Variants in SRPK3 observed in about 807,000 individuals in gnomAD.
SRPK3 encodes the protein SRSF protein kinase 3, also known as SFRS protein kinase 3.
In SRPK3, 26 loss-of-function variants were observed where a neutral mutation model predicts 45.3. The observed-to-expected ratio is 0.57, with a 90% CI of 0.42 to 0.80. SRPK3 has a LOEUF of 0.80. Among genes scored for constraint, SRPK3 ranks in the 30% least tolerant of loss-of-function variants. The pLI is 0.00. For missense variants in SRPK3, 536 were observed against 514.5 expected (o/e 1.04, Z -0.40); for synonymous variants, 254 against 226.6 (o/e 1.12, Z -1.09).
chrX:153,781,479 C>T, intron 2 of SRPK3, 26 bp from the exon 3 acceptor site: 8 of 1,199,632 alleles, frequency 6.7e-6, no homozygotes, highest in Non-Finnish European at 9.0e-6. Context: ...ACCCCCTCCA[C>T]CCCAATCTAC....
chrX:153,781,317 A>T lies in SRPK3; in HGVS notation c.161A>T (p.Glu54Val), dbSNP rs782374239. 8.3e-7 allele frequency: 1 copy of T among 1,204,114 alleles called. No individual in the cohort carries two copies. Among genetic ancestry groups the T allele is most frequent in the Non-Finnish European group, 1.1e-6 (1 of 891,721 alleles). The change falls in exon 2 of 15, where the codon GAA becomes GTA. Residue 54 changes from glutamate (E) to valine (V), a missense_variant. Coordinates refer to ENST00000370101, the MANE Select transcript of SRPK3 (RefSeq NM_014370.4). ...GGCCTTCTGGGCTCCGACGACGAGG[A>T]ACAGGAAGACCCCAAAGACTACTGC... The part of the protein sequence containing the change: ...LQGLLGSDDE[E>V]QEDPKDYCKG...
At chrX:153,781,652 G>A in intron 3 of SRPK3, 39 bp downstream of exon 3, 5 of 1,202,800 alleles carry the variant, frequency 4.2e-6, no homozygotes. Flanking sequence ...AGCACTGGCT[G>A]GGATCCTGTC....
rs956411084 is a variant in SRPK3 at position 153,784,275 on chromosome X, C to T, written c.1148-19C>T. On this transcript the variant is annotated intron_variant, in intron 10 of 14. Transcript: ENST00000370101. ...GCAGTAGTCGGACCACTTCAGTCTC[C>T]CTGCTCTGCCTTCCCCAGCACCATT... The T allele has an allele frequency of 3.3e-6, 4 of 1,211,328 alleles. No individual in the cohort carries two copies. The Admixed American group carries it at 8.7e-5, about 26-fold the overall frequency.
At position 153,781,142 on chromosome X, in the gene SRPK3, G is replaced by A; in HGVS notation, c.56G>A (p.Ser19Asn). The A allele has an allele frequency of 8.6e-7, 1 of 1,159,877 alleles. No individual in the cohort carries two copies. The highest frequency in any genetic ancestry group is 1.9e-5 in the South Asian group (1 of 52,007). The change falls in exon 1 of 15, where the codon AGC becomes AAC. Residue 19 changes from serine (S) to asparagine (N), a missense_variant. By Grantham distance (46) the Ser-to-Asn change is conservative. Transcript: ENST00000370101. ...GDSGGSGGSSSSSQASCGPES... is the reference protein window; with the variant it reads ...GDSGGSGGSSNSSQASCGPES... ...AGCGGCGGCAGCGGCGGCAGTAGCA[G>A]CAGGTAGGGCTCGGCTGGGGCACCC...
intron 5 of SRPK3, 63 bp downstream of exon 5, chrX:153,782,271 C>G: frequency 2.0e-6 from 2 of 996,196 alleles, no homozygotes; most frequent in Non-Finnish European, 2.8e-6. Context: ...GGGGGGCCCT[C>G]GCTGCTAGAG....
chrX:153,783,198 C>G lies in SRPK3; in HGVS notation c.749-28C>G, dbSNP rs186688595. 3,189 of 972,968 alleles carry G rather than the reference C, an allele frequency of 3.3e-3. 84 individuals are homozygous for G. The African/African-American group carries it at 0.05, about 15-fold the overall frequency. 80.2% of individuals were successfully genotyped at this position (972,968 alleles called of 1,213,427 possible). ...TGAGTCTCTGTTCCTCCCTGTCCCC[C>G]CCCACCGCTCCCCACCTGCACTCCC... On this transcript the variant is annotated intron_variant, in intron 7 of 14. Coordinates refer to ENST00000370101, the MANE Select transcript of SRPK3 (RefSeq NM_014370.4).
chrX:153,781,172 C>G, intron 1 of SRPK3, 27 bp downstream of exon 1: 1 of 1,183,681 alleles, frequency 8.4e-7, no homozygotes, highest in Non-Finnish European at 1.1e-6. Context: ...GCACCCGGAG[C>G]CCCTGGCGTC....
chrX:153,781,278 C>T lies in SRPK3; in HGVS notation c.122C>T (p.Pro41Leu). The T allele has an allele frequency of 8.3e-7, 1 of 1,209,943 alleles. No individual in the cohort carries two copies. The highest frequency in any genetic ancestry group is 1.1e-6 in the Non-Finnish European group (1 of 894,876). Residue 41 changes from proline (P) to leucine (L), a missense_variant, in exon 2 of 15, where the codon CCT becomes CTT. Coordinates refer to ENST00000370101, the MANE Select transcript of SRPK3 (RefSeq NM_014370.4). ...GSELALATPV[P>L]QMLQGLLGSD... ...GAACTAGCCCTGGCCACACCGGTGCCTCAGATGCTGCAGGGCCTTCTGGGC... is the reference window on the plus strand; with the variant it reads ...GAACTAGCCCTGGCCACACCGGTGCTTCAGATGCTGCAGGGCCTTCTGGGC...
In SRPK3 at chrX:153,784,823, G is replaced by GC; in HGVS notation, c.1328dup (p.Ala444GlyfsTer17). The GC allele has an allele frequency of 8.3e-7, 1 of 1,211,325 alleles. No homozygotes were observed. The highest frequency in any genetic ancestry group is 1.1e-6 in the Non-Finnish European group (1 of 895,529). Reference sequence around the variant, plus strand: ...GAGGTGCTGATCGGCGCCGAATACGGCCCCCCGGCAGACATCTGGAGCACA... The same window carrying GC: ...GAGGTGCTGATCGGCGCCGAATACGGCCCCCCCGGCAGACATCTGGAGCACA... On this transcript the variant is annotated frameshift_variant, in exon 12 of 15. Transcript: ENST00000370101. LOFTEE classifies it high-confidence loss of function.
chrX:153,784,889 G>A lies in SRPK3; in HGVS notation c.1356+32G>A, dbSNP rs1557068475. ...CCGCCCGGGCTGCCCTGTGCCCAGG[G>A]CCAGCAGCCCACCAGCCAGCAGCCT... On this transcript the variant is annotated intron_variant, in intron 12 of 14. Transcript: ENST00000370101. 2.5e-6 allele frequency: 3 copies of A among 1,209,792 alleles called. No individual in the cohort carries two copies. The African/African-American group carries it at 5.2e-5, about 21-fold the overall frequency.
intron 14 of SRPK3, 30 bp from the exon 15 acceptor site, chrX:153,785,306 A>G (rs1557068661): frequency 7.5e-6 from 9 of 1,197,286 alleles, no homozygotes; most frequent in South Asian, 3.6e-5. Context: ...AGACAGGGAC[A>G]GAGCCTGACG....
At chrX:153,782,428 G>T (rs936625924) in intron 5 of SRPK3, among the ~76,000 whole-genome samples, 1 of 113,264 alleles carries the variant, frequency 8.8e-6, no homozygotes, top group Admixed American at 9.2e-5. Context: ...ATCCCCAAAC[G>T]GCAGGTGCTG....
intron 11 of SRPK3, 67 bp downstream of exon 11, chrX:153,784,461 T>C (rs1453825370): frequency 9.0e-7 from 1 of 1,109,969 alleles, no homozygotes; most frequent in Non-Finnish European, 1.2e-6. Flanking sequence ...AGGGCCGCTC[T>C]TGGGGAGCCC....
rs781987227 is a variant in SRPK3 at position 153,782,941 on chromosome X, G to A, written c.583-12G>A. The stretch of plus-strand genomic sequence containing the variant: ...GCGGGAGTTGGAGGAGGTCAGGTGC[G>A]ACTCTCTGCAGGTGCTGCACGGCCT... On this transcript the variant is annotated splice_polypyrimidine_tract_variant and intron_variant, in intron 6 of 14. Coordinates refer to ENST00000370101, the MANE Select transcript of SRPK3 (RefSeq NM_014370.4). 1.0e-5 allele frequency: 12 copies of A among 1,187,816 alleles called. No homozygotes were observed. Among genetic ancestry groups the A allele is most frequent in the South Asian group, 5.6e-5 (3 of 53,616 alleles).
rs782558777 is a variant in SRPK3 at position 153,785,183 on chromosome X, C to G, written c.1519+10C>G. ...TTCTTCAACCGGAGAGGTGAGGGCC[C>G]GGGCAGCCTCAGGCCATGTGGCTGC... On this transcript the variant is annotated intron_variant, in intron 14 of 14. Transcript: ENST00000370101. 4 of 1,103,635 alleles carry G rather than the reference C, an allele frequency of 3.6e-6. No individual in the cohort carries two copies. Among genetic ancestry groups the G allele is most frequent in the Middle Eastern group, 2.6e-4 (1 of 3,854 alleles). The allele number at this position is 1,103,635 out of a possible 1,213,427, so 91.0% of individuals were successfully genotyped here. A position where few individuals can be genotyped will look rare whatever the true frequency, so the allele number is the denominator to read the frequency against.
At position 153,783,964 on chromosome X, in the gene SRPK3, G is replaced by A. The variant is rs782512714; in HGVS notation, c.908-10G>A. The stretch of plus-strand genomic sequence containing the variant: ...TCTGCTCAGCAGCTGCCTCCACCCC[G>A]TCTCCCCAGACTCTGGCTTGAGACT... On this transcript the variant is annotated splice_polypyrimidine_tract_variant and intron_variant, in intron 9 of 14. Coordinates refer to ENST00000370101, the MANE Select transcript of SRPK3 (RefSeq NM_014370.4). 1.2e-5 allele frequency: 14 copies of A among 1,196,888 alleles called. No individual in the cohort carries two copies. Among genetic ancestry groups the A allele is most frequent in the Admixed American group, 1.1e-4 (5 of 44,904 alleles).
chrX:153,781,890 C>T lies in SRPK3; in HGVS notation c.387+60C>T, dbSNP rs1183126926. The stretch of plus-strand genomic sequence containing the variant: ...TGGAGCTGCCTGGGGCCTGGCAATG[C>T]GGGTGCAAGGCCTGCCGGGGCTCTG... On this transcript the variant is annotated intron_variant, in intron 4 of 14. Coordinates refer to ENST00000370101, the MANE Select transcript of SRPK3 (RefSeq NM_014370.4). 4.4e-5 allele frequency: 51 copies of T among 1,154,006 alleles called. No homozygotes were observed. In the African/African-American group the frequency reaches 5.7e-4, roughly 13 times the overall value.
In SRPK3 at chrX:153,783,818, C is replaced by A; in HGVS notation, c.841C>A (p.Leu281Met). The A allele has an allele frequency of 8.3e-7, 1 of 1,206,201 alleles. No homozygotes were observed. The highest frequency in any genetic ancestry group is 1.1e-6 in the Non-Finnish European group (1 of 893,071). ...GCGCAAACGGAAACAGCAGAAGCGG[C>A]TGCTGGAGGAGCGGCTGCGGGACCT... Reference protein sequence around the residue: ...MRRKRKQQKRLLEERLRDLQR... With the variant: ...MRRKRKQQKRMLEERLRDLQR... Residue 281 changes from leucine to methionine, a missense_variant, in exon 9 of 15, where the codon CTG becomes ATG. Transcript: ENST00000370101.
Position 153,781,483 on chromosome X carries a change from A to T in SRPK3, c.191-22A>T. 4 of 1,200,398 alleles carry T rather than the reference A, an allele frequency of 3.3e-6. No homozygotes were observed. The African/African-American group carries it at 6.9e-5, about 21-fold the overall frequency. ...GGGGAGTGAGAACCCCCTCCACCCCAATCTACATCTCCCCTGGGCAGGCGG... is the reference window on the plus strand; with the variant it reads ...GGGGAGTGAGAACCCCCTCCACCCCTATCTACATCTCCCCTGGGCAGGCGG... On this transcript the variant is annotated intron_variant, in intron 2 of 14. Coordinates refer to ENST00000370101, the MANE Select transcript of SRPK3 (RefSeq NM_014370.4).
Sources: allele counts gnomAD v4.1 joint callset (sites outside exome capture counted in the v4.1 genomes callset), GRCh38; gene constraint gnomAD v4.1.1; transcripts MANE v1.5; gene names NCBI Gene and HGNC (gene_info 2026-07-23, HGNC 2026-07-21).